The following DEPDC1B variants were observed in gnomAD, a reference collection of about 807,000 sequenced individuals.
DEPDC1B encodes DEP domain-containing protein 1B.
A neutral mutation model predicts 66.5 loss-of-function variants in DEPDC1B; 51 were observed. The observed-to-expected ratio is 0.77, with a 90% CI of 0.61 to 0.97. DEPDC1B has a LOEUF of 0.97. Ranked by LOEUF, DEPDC1B falls within the 50% of genes least tolerant of loss-of-function variation. DEPDC1B has a pLI of 0.00. For missense variants in DEPDC1B, 552 were observed against 637.1 expected (o/e 0.87, Z 1.44); for synonymous variants, 226 against 223.6 (o/e 1.01, Z -0.10).
intron 2 of DEPDC1B, among the ~76,000 whole-genome samples, chr5:60,685,410 T>A (rs944924719): frequency 5.3e-5 from 8 of 150,730 alleles, no homozygotes; most frequent in African/African-American, 1.7e-4. Context: ...AAAAAAAAAA[T>A]ACTGCTCCAT....
At chr5:60,660,473 A>T (rs776414408) in intron 2 of DEPDC1B, among the ~76,000 whole-genome samples, 22 of 152,218 alleles carry the variant, frequency 1.4e-4, no homozygotes, top group Admixed American at 2.0e-4. Flanking sequence ...TTGTCAGTAT[A>T]AACAAGAGCG....
chr5:60,659,765 C>T (rs534575586), intron 2 of DEPDC1B, among the ~76,000 whole-genome samples: 11 of 152,312 alleles, frequency 7.2e-5, no homozygotes, highest in African/African-American at 2.6e-4. Context: ...TTGATCCCTG[C>T]CTTCTAGGTA....
intron 2 of DEPDC1B, among the ~76,000 whole-genome samples, chr5:60,649,067 C>T (rs570911840): frequency 3.3e-5 from 5 of 152,182 alleles, no homozygotes; most frequent in Non-Finnish European, 7.3e-5. Flanking sequence ...TCCCATCCCA[C>T]CACTAATGCC....
intron 7 of DEPDC1B, among the ~76,000 whole-genome samples, chr5:60,635,561 A>G (rs1416821096): frequency 1.3e-5 from 2 of 152,244 alleles, no homozygotes; most frequent in Admixed American, 6.5e-5. Context: ...TGCAAGCTCA[A>G]CTGCCTACGG....
intron 7 of DEPDC1B, among the ~76,000 whole-genome samples, chr5:60,620,097 C>T (rs1354830214): frequency 1.3e-5 from 2 of 152,170 alleles, no homozygotes; most frequent in African/African-American, 4.8e-5. Flanking sequence ...ATGTAGAAAG[C>T]TGAAACTAGA....
rs752255097 is a variant in DEPDC1B, at chr5:60,603,424, T to C, written c.1209A>G (p.Ile403Met). ...LKVPLALQTS[I>M]EERVAHLRRV... ...TTCGTAGATGAGCCACACGCTCCTC[T>C]ATAGAGGTCTGCAAGGCCAAAGGGA... is the stretch of plus-strand genomic sequence containing the variant. The change falls in exon 9 of 11, where the codon ATA becomes ATG. Residue 403 changes from isoleucine (I) to methionine (M), a missense_variant. Physicochemically the swap from Ile to Met is conservative, Grantham distance 10. Transcript: ENST00000265036. 7 of 1,609,768 alleles carry C rather than the reference T, an allele frequency of 4.3e-6. No homozygotes were observed. The Admixed American group carries it at 1.0e-4, about 23-fold the overall frequency.
intron 7 of DEPDC1B, among the ~76,000 whole-genome samples, chr5:60,634,444 G>A (rs10939855): frequency 0.35 from 52,603 of 151,926 alleles, 10,722 homozygotes; most frequent in East Asian, 0.57. Flanking sequence ...AGGCCGAGGC[G>A]GGCGGATCAC....
chr5:60,621,818 G>A (rs891940514), intron 7 of DEPDC1B, among the ~76,000 whole-genome samples: 1 of 152,082 alleles, frequency 6.6e-6, no homozygotes, highest in African/African-American at 2.4e-5. Context: ...AGTAATTCAA[G>A]TCTTGAGCCT....
At chr5:60,696,077 A>G (rs996148492) in intron 1 of DEPDC1B, among the ~76,000 whole-genome samples, 1 of 152,208 alleles carries the variant, frequency 6.6e-6, no homozygotes, top group African/African-American at 2.4e-5. Flanking sequence ...GATCACAGGC[A>G]TGAGCCACCG....
At chr5:60,611,708 A>G (rs922438720) in intron 7 of DEPDC1B, among the ~76,000 whole-genome samples, 2 of 152,172 alleles carry the variant, frequency 1.3e-5, no homozygotes, top group Non-Finnish European at 1.5e-5. Context: ...CCTAGAGAAA[A>G]GTCCTAACTC....
chr5:60,617,400 A>G (rs543662484), intron 7 of DEPDC1B, among the ~76,000 whole-genome samples: 8 of 152,284 alleles, frequency 5.3e-5, no homozygotes, highest in South Asian at 2.1e-4. Flanking sequence ...CCCATCTCAC[A>G]TGCAGAGACA....
chr5:60,609,644 G>C (rs911215432), intron 7 of DEPDC1B, among the ~76,000 whole-genome samples: 1 of 152,110 alleles, frequency 6.6e-6, no homozygotes, highest in East Asian at 1.9e-4. Context: ...GGACTGGTTA[G>C]GTCTATAACA....
chr5:60,616,370 T>C (rs960669015), intron 7 of DEPDC1B, among the ~76,000 whole-genome samples: 1 of 151,934 alleles, frequency 6.6e-6, no homozygotes, highest in East Asian at 1.9e-4. Flanking sequence ...TTCGAACCCA[T>C]GGCAAAGAAG....
chr5:60,698,162 A>G (rs955776775), intron 1 of DEPDC1B, among the ~76,000 whole-genome samples: 9 of 152,176 alleles, frequency 5.9e-5, no homozygotes, highest in African/African-American at 2.2e-4. Flanking sequence ...TTTCCTCCCT[A>G]AAGTTAGACT....
chr5:60,598,181 C>A (rs1340581281), intron 10 of DEPDC1B, among the ~76,000 whole-genome samples: 1 of 152,126 alleles, frequency 6.6e-6, no homozygotes, highest in Non-Finnish European at 1.5e-5. Flanking sequence ...ACAAGTAACT[C>A]TGACTTCAAA....
intron 1 of DEPDC1B, among the ~76,000 whole-genome samples, chr5:60,697,093 ATT>A (rs925704030): frequency 2.6e-5 from 4 of 152,178 alleles, no homozygotes; most frequent in African/African-American, 9.7e-5. Flanking sequence ...TAGAAAAAAA[ATT>A]TTTCTCTCTA....
intron 7 of DEPDC1B, among the ~76,000 whole-genome samples, chr5:60,623,630 A>T (rs185955822): frequency 5.1e-4 from 77 of 152,274 alleles, no homozygotes; most frequent in Admixed American, 2.2e-3. Flanking sequence ...TCAATATTGC[A>T]TATCTTTCAG....
At chr5:60,670,063 T>G (rs947922061) in intron 2 of DEPDC1B, among the ~76,000 whole-genome samples, 2 of 152,074 alleles carry the variant, frequency 1.3e-5, no homozygotes, top group African/African-American at 4.8e-5. Context: ...GGGTGATTAT[T>G]GCACCAAAAA....
chr5:60,680,689 T>C (rs564935295), intron 2 of DEPDC1B, among the ~76,000 whole-genome samples: 4 of 152,360 alleles, frequency 2.6e-5, no homozygotes, highest in Admixed American at 1.3e-4. Context: ...TCCCTTGCCT[T>C]CTTTATTTGA....
Sources: allele counts gnomAD v4.1 joint callset (sites outside exome capture counted in the v4.1 genomes callset), GRCh38; gene constraint gnomAD v4.1.1; transcripts MANE v1.5; gene names NCBI Gene and HGNC (gene_info 2026-07-23, HGNC 2026-07-21).